The following CCL5 variants were observed in gnomAD, a reference collection of about 807,000 sequenced individuals.
CCL5 encodes the protein C-C motif chemokine ligand 5, also known as C-C motif chemokine 5.
CCL5 carries 5 observed loss-of-function variants against 9.0 expected under a neutral mutation model. The observed-to-expected ratio is 0.55, with a 90% CI of 0.29 to 1.16. The LOEUF (loss-of-function observed/expected upper bound fraction) is 1.16, where lower values mean the gene tolerates loss of function less well. CCL5 is among the 50% of genes most tolerant of loss of function. CCL5 has a pLI of 0.08. For missense variants in CCL5, 183 were observed against 183.2 expected (o/e 1.00, Z 0.01); for synonymous variants, 66 against 72.0 (o/e 0.92, Z 0.42).
At chr17:35,875,811 C>T (rs1255245820) in intron 2 of CCL5, among the ~76,000 whole-genome samples, 1 of 152,294 alleles carries the variant, frequency 6.6e-6, no homozygotes, top group Non-Finnish European at 1.5e-5. Flanking sequence ...CTGACTTCCT[C>T]CTTCTGCCTA....
Position 35,872,316 on chromosome 17 carries a change from A to C in CCL5, c.419T>G (p.Leu140Arg). 2 of 1,605,728 alleles carry C rather than the reference A, an allele frequency of 1.2e-6. No homozygotes were observed. Among genetic ancestry groups the C allele is most frequent in the Non-Finnish European group, 1.7e-6 (2 of 1,173,882 alleles). Residue 140 changes from leucine (L) to arginine (R), a missense_variant, in exon 4 of 4, where the codon CTA becomes CGA. Coordinates refer to ENST00000651122, the MANE Select transcript of CCL5 (RefSeq NM_001278736.2). The stretch of plus-strand genomic sequence containing the variant: ...ATAGTGAGGGGAAGCCTCCCAAGCT[A>C]GGACAAGAGCAAGCAGAAACAGGCA...
At chr17:35,872,725 A>AG (rs2088387885) in intron 3 of CCL5, among the ~76,000 whole-genome samples, 1 of 152,186 alleles carries the variant, frequency 6.6e-6, no homozygotes, top group African/African-American at 2.4e-5. Context: ...TGAAAAGCTA[A>AG]GAGGATACGG....
intron 1 of CCL5, 43 bp from the exon 2 acceptor site, chr17:35,878,682 T>C (rs1260988424): frequency 8.9e-7 from 1 of 1,117,976 alleles, no homozygotes; most frequent in South Asian, 1.3e-5. Context: ...TATTCATTGC[T>C]ACTGCACACT....
Position 35,872,230 on chromosome 17 carries a change from G to C in CCL5, c.*40C>G. The C allele has an allele frequency of 4.2e-6, 6 of 1,420,500 alleles. No homozygotes were observed. Among genetic ancestry groups the C allele is most frequent in the Non-Finnish European group, 2.8e-6 (3 of 1,071,184 alleles). The allele number at this position is 1,420,500 out of a possible 1,614,324, so 88.0% of individuals were successfully genotyped here. ...GAGCCACCACGTCCAGCCTGGGGAAGGTTTTTGTAACTGCTGCTGTGTGGT... is the reference window on the plus strand; with the variant it reads ...GAGCCACCACGTCCAGCCTGGGGAACGTTTTTGTAACTGCTGCTGTGTGGT... On this transcript the variant is annotated 3_prime_UTR_variant, in exon 4 of 4. Coordinates refer to ENST00000651122, the MANE Select transcript of CCL5 (RefSeq NM_001278736.2).
rs1184686894 is a variant in CCL5 at position 35,872,419 on chromosome 17, C to A, written c.316G>T (p.Glu106Ter). The A allele has an allele frequency of 6.2e-7, 1 of 1,613,892 alleles. No homozygotes were observed. Among genetic ancestry groups the A allele is most frequent in the Non-Finnish European group, 8.5e-7 (1 of 1,180,016 alleles). Residue 106 changes from glutamate to a stop codon, truncating the protein, a stop_gained, in exon 4 of 4, where the codon GAA becomes TAA. Coordinates refer to ENST00000651122, the MANE Select transcript of CCL5 (RefSeq NM_001278736.2). LOFTEE classifies it low-confidence loss of function (END_TRUNC). ...AGTTGATGTACTCCCGAACCCATTT[C>A]TTCTCTGGGTTGGCACACACTTGGC... is the stretch of plus-strand genomic sequence containing the variant.
At chr17:35,876,456 C>G (rs2088442283) in intron 2 of CCL5, among the ~76,000 whole-genome samples, 1 of 152,194 alleles carries the variant, frequency 6.6e-6, no homozygotes, top group Non-Finnish European at 1.5e-5. Context: ...ACTTCTCCAG[C>G]CAGAGGTGGA....
At chr17:35,878,392 CA>C (rs1181106497) in intron 2 of CCL5, 135 bp downstream of exon 2, 7 of 628,510 alleles carry the variant, frequency 1.1e-5, no homozygotes, top group Admixed American at 2.4e-5. Context: ...TACATGATAG[CA>C]GGGGACTCTG....
At chr17:35,875,477 G>C (rs1412285045) in intron 3 of CCL5, 1 of 501,620 alleles carries the variant, frequency 2.0e-6, no homozygotes, top group Admixed American at 6.4e-5. Context: ...AGATGAAAAG[G>C]GAACGGAAGC....
chr17:35,873,202 T>A (rs2088396380), intron 3 of CCL5, among the ~76,000 whole-genome samples: 1 of 136,772 alleles, frequency 7.3e-6, no homozygotes, highest in South Asian at 2.3e-4. Flanking sequence ...TTTTTTTTTT[T>A]CCTTTGAGAC....
intron 3 of CCL5, among the ~76,000 whole-genome samples, chr17:35,875,038 TA>T (rs201684766): frequency 1.6e-4 from 24 of 148,352 alleles, no homozygotes; most frequent in Admixed American, 3.4e-4. Flanking sequence ...ACTATCACAT[TA>T]AAAAAAAAAA....
At chr17:35,878,668 CTTTTAT>C in intron 1 of CCL5, 29 bp from the exon 2 acceptor site, 5 of 1,383,830 alleles carry the variant, frequency 3.6e-6, no homozygotes, top group Non-Finnish European at 5.1e-6. Context: ...GAGGGAGACC[CTTTTAT>C]TCATTGCTAC....
Position 35,871,560 on chromosome 17 carries a change from G to T in CCL5, c.*710C>A, listed in dbSNP as rs189206908. On this transcript the variant is annotated 3_prime_UTR_variant, in exon 4 of 4. Coordinates refer to ENST00000651122, the MANE Select transcript of CCL5 (RefSeq NM_001278736.2). ...GTTTGCCAGTAAGCTCCTGTGAGGG[G>T]TTGAGACGGCGGAAGCTTAAGAGTG... The T allele has an allele frequency of 6.6e-6, 1 of 152,262 alleles. No homozygotes were observed. The highest frequency in any genetic ancestry group is 6.5e-5 in the Admixed American group (1 of 15,276). The allele number at this position is 152,262 out of a possible 1,614,324, so 9.4% of individuals were successfully genotyped here.
chr17:35,877,204 T>G (rs949789425), intron 2 of CCL5, among the ~76,000 whole-genome samples: 1 of 152,156 alleles, frequency 6.6e-6, no homozygotes, highest in African/African-American at 2.4e-5. Context: ...TGTCATAAAT[T>G]TTTGGATTAA....
Position 35,872,368 on chromosome 17 carries a change from C to A in CCL5, c.367G>T (p.Val123Phe), listed in dbSNP as rs761396978. ...ATTTGTGTAAGTTCAGGTTCAAGGACTCTCCATCCTAGCTCATCTCCAAAG... is the reference window on the plus strand; with the variant it reads ...ATTTGTGTAAGTTCAGGTTCAAGGAATCTCCATCCTAGCTCATCTCCAAAG... Residue 123 changes from valine to phenylalanine, a missense_variant, in exon 4 of 4, where the codon GTC becomes TTC. Transcript: ENST00000651122. 5.6e-6 allele frequency: 9 copies of A among 1,613,442 alleles called. No individual in the cohort carries two copies. Among genetic ancestry groups the A allele is most frequent in the Non-Finnish European group, 7.6e-6 (9 of 1,179,696 alleles).
At chr17:35,872,532 G>T in intron 3 of CCL5, 68 bp from the exon 3 acceptor site, 2 of 1,316,330 alleles carry the variant, frequency 1.5e-6, no homozygotes, top group Non-Finnish European at 2.2e-6. Context: ...TTTGGGGGAT[G>T]AAGTGGATTA....
At chr17:35,875,847 G>A (rs547280504) in intron 2 of CCL5, among the ~76,000 whole-genome samples, 15 of 152,232 alleles carry the variant, frequency 9.9e-5, no homozygotes, top group African/African-American at 3.4e-4. Flanking sequence ...TGTTCTCAAA[G>A]CTGCTGCCCT....
intron 1 of CCL5, among the ~76,000 whole-genome samples, chr17:35,879,462 G>A (rs999680714): frequency 9.2e-5 from 14 of 152,006 alleles, no homozygotes; most frequent in African/African-American, 3.4e-4. Context: ...GTGAAACCCC[G>A]TCTCTACTAA....
chr17:35,872,702 A>G (rs528220869), intron 3 of CCL5, among the ~76,000 whole-genome samples: 1 of 152,274 alleles, frequency 6.6e-6, no homozygotes, highest in South Asian at 2.1e-4. Flanking sequence ...CCTTCACACA[A>G]ATGCATGTAG....
intron 1 of CCL5, among the ~76,000 whole-genome samples, chr17:35,879,150 G>A (rs946093871): frequency 3.9e-5 from 6 of 152,122 alleles, no homozygotes; most frequent in African/African-American, 1.4e-4. Context: ...GATGACGTTG[G>A]GAAGCATCAG....
Sources: gnomAD v4.1 joint callset for allele counts (sites outside exome capture counted in the v4.1 genomes callset) on GRCh38, gnomAD v4.1.1 for gene constraint, MANE v1.5 for transcripts, NCBI Gene and HGNC (gene_info 2026-07-23, HGNC 2026-07-21) for gene names.